CENPU: variants seen among roughly 807,000 people sequenced by gnomAD.
The protein encoded by CENPU is centromere protein U, also known as KSHV latent nuclear antigen interacting protein 1.
A neutral mutation model predicts 56.7 loss-of-function variants in CENPU; 46 were observed. The observed-to-expected ratio is 0.81, with a 90% CI of 0.64 to 1.04. CENPU has a LOEUF of 1.04. CENPU is among the 50% of genes least tolerant of loss of function. CENPU has a pLI of 0.00. For missense variants in CENPU, 510 were observed against 490.1 expected (o/e 1.04, Z -0.38); for synonymous variants, 166 against 163.0 (o/e 1.02, Z -0.14).
At chr4:184,731,881 C>CTGTGTGTGTGTGTGTGTGTGTGTG (rs1491100516) in intron 1 of CENPU, among the ~76,000 whole-genome samples, 5 of 25,578 alleles carry the variant, frequency 2.0e-4, no homozygotes, top group Admixed American at 4.3e-4. Flanking sequence ...TACTCATGTG[C>CTGTGTGTGTGTGTGTGTGTGTGTG]TCTGTGTGTG....
In CENPU at chr4:184,695,305, G is replaced by A. The variant is rs769540123; in HGVS notation, c.1240C>T (p.Leu414Phe). ...TGCTCTTCTCATCCCTGGTCAAGGAGCTTCTCTAACTGATGGTTGATATTT... is the reference window on the plus strand; with the variant it reads ...TGCTCTTCTCATCCCTGGTCAAGGAACTTCTCTAACTGATGGTTGATATTT... ...LRNINHQLEKLLDQG is the reference protein window; with the variant it reads ...LRNINHQLEKFLDQG Residue 414 changes from leucine (L) to phenylalanine (F), a missense_variant, in exon 13 of 13, where the codon CTC becomes TTC. Transcript: ENST00000281453. 4.3e-6 allele frequency: 7 copies of A among 1,612,728 alleles called. No individual in the cohort carries two copies. In the South Asian group the frequency reaches 6.6e-5, roughly 15 times the overall value.
At chr4:184,725,949 A>C (rs373810401) in intron 3 of CENPU, among the ~76,000 whole-genome samples, 2 of 152,188 alleles carry the variant, frequency 1.3e-5, no homozygotes, top group African/African-American at 4.8e-5. Context: ...GAGAGCTTGG[A>C]GAAGAAGAGG....
chr4:184,730,523 C>G (rs903168997), intron 2 of CENPU, among the ~76,000 whole-genome samples: 2 of 149,422 alleles, frequency 1.3e-5, no homozygotes, highest in African/African-American at 5.0e-5. Flanking sequence ...AATGCACATG[C>G]CTTTAACATA....
At chr4:184,727,333 A>G (rs1193127095) in intron 3 of CENPU, among the ~76,000 whole-genome samples, 1 of 152,140 alleles carries the variant, frequency 6.6e-6, no homozygotes, top group African/African-American at 2.4e-5. Context: ...AGGAAAGATG[A>G]AAAAGTTCTG....
intron 11 of CENPU, 82 bp from the exon 12 acceptor site, chr4:184,697,885 G>A: frequency 4.6e-6 from 5 of 1,088,210 alleles, no homozygotes; most frequent in Non-Finnish European, 6.5e-6. Context: ...CTGAGCGAGT[G>A]TGAAGAACCG....
chr4:184,709,843 T>C (rs1213118702), intron 8 of CENPU, among the ~76,000 whole-genome samples: 1 of 150,898 alleles, frequency 6.6e-6, no homozygotes, highest in African/African-American at 2.4e-5. Context: ...CCACAACATA[T>C]TTAAGATAGA....
At chr4:184,705,643 T>A (rs1760701987) in intron 8 of CENPU, among the ~76,000 whole-genome samples, 1 of 152,210 alleles carries the variant, frequency 6.6e-6, no homozygotes. Context: ...AATGAGGTAT[T>A]TCTATACATC....
chr4:184,713,508 A>T (rs550664726), intron 6 of CENPU, among the ~76,000 whole-genome samples: 1 of 152,366 alleles, frequency 6.6e-6, no homozygotes, highest in South Asian at 2.1e-4. Context: ...ACAAAATAAG[A>T]GAAAATAAAA....
intron 8 of CENPU, among the ~76,000 whole-genome samples, chr4:184,704,085 T>C (rs1057332097): frequency 1.4e-5 from 2 of 143,850 alleles, no homozygotes; most frequent in African/African-American, 5.4e-5. Context: ...ACATACTTCA[T>C]CTTTTTTTTT....
intron 8 of CENPU, among the ~76,000 whole-genome samples, chr4:184,706,430 T>A (rs1760731274): frequency 6.6e-6 from 1 of 152,228 alleles, no homozygotes; most frequent in African/African-American, 2.4e-5. Context: ...ATTCTTTCAA[T>A]CACAAAGGTG....
At chr4:184,713,728 C>CT (rs1028004488) in intron 6 of CENPU, 6 of 152,198 alleles carry the variant, frequency 3.9e-5, no homozygotes, top group Non-Finnish European at 8.8e-5. Context: ...CAACACAAGA[C>CT]TGAGTTCCTG....
chr4:184,702,319 G>A (rs778253063), intron 9 of CENPU, 44 bp downstream of exon 9: 2 of 1,563,816 alleles, frequency 1.3e-6, no homozygotes, highest in South Asian at 2.3e-5. Flanking sequence ...TACAGGATTA[G>A]TGAAAAAAAC....
chr4:184,723,807 C>A (rs895874151), intron 4 of CENPU, among the ~76,000 whole-genome samples: 4 of 130,944 alleles, frequency 3.1e-5, no homozygotes, highest in Admixed American at 1.8e-4. Context: ...TGCGCCACTG[C>A]ACTCCAGCCT....
intron 1 of CENPU, chr4:184,733,189 G>T: frequency 3.9e-6 from 1 of 253,184 alleles, no homozygotes; most frequent in Non-Finnish European, 6.2e-6. Flanking sequence ...TTTGCACTGG[G>T]GGAGTCTTCA....
chr4:184,701,424 G>A (rs1760531867), intron 10 of CENPU, among the ~76,000 whole-genome samples: 2 of 152,138 alleles, frequency 1.3e-5, no homozygotes, highest in African/African-American at 4.8e-5. Context: ...TCACTGGAAG[G>A]AAAACGTATG....
chr4:184,731,466 A>G (rs1761642925), intron 1 of CENPU, among the ~76,000 whole-genome samples: 1 of 152,096 alleles, frequency 6.6e-6, no homozygotes, highest in South Asian at 2.1e-4. Context: ...CTCCCTTGAC[A>G]CTCTCTCAGT....
intron 12 of CENPU, among the ~76,000 whole-genome samples, chr4:184,695,964 A>C (rs1760280117): frequency 6.6e-6 from 1 of 152,220 alleles, no homozygotes; most frequent in South Asian, 2.1e-4. Flanking sequence ...TCATGTTAAA[A>C]TTAGAATACA....
chr4:184,733,022 GT>G (rs1268273394), intron 1 of CENPU, among the ~76,000 whole-genome samples: 1 of 150,264 alleles, frequency 6.7e-6, no homozygotes, highest in Non-Finnish European at 1.5e-5. Context: ...TTGTATGTGC[GT>G]AAGTGTGTTT....
chr4:184,715,397 C>CA (rs11433066), intron 6 of CENPU, among the ~76,000 whole-genome samples: 27,079 of 152,064 alleles, frequency 0.18, 2,704 homozygotes, highest in African/African-American at 0.26. Context: ...CTCCAACCTC[C>CA]ACCTCCCGGG....
Sources: allele counts gnomAD v4.1 joint callset (sites outside exome capture counted in the v4.1 genomes callset), GRCh38; gene constraint gnomAD v4.1.1; transcripts MANE v1.5; gene names NCBI Gene and HGNC (gene_info 2026-07-23, HGNC 2026-07-21).